The following EPB41L2 variants were observed in gnomAD, a reference collection of about 807,000 sequenced individuals.
The protein encoded by EPB41L2 is band 4.1-like protein 2.
In EPB41L2, 43 loss-of-function variants were observed where a neutral mutation model predicts 113.0. That is an observed-to-expected ratio of 0.38 (90% CI 0.30 to 0.49). EPB41L2 has a LOEUF of 0.49. Among genes scored for constraint, EPB41L2 ranks in the 20% least tolerant of loss-of-function variants. The pLI, the probability that EPB41L2 is intolerant of heterozygous loss-of-function variation, is 0.95. For missense variants in EPB41L2, 1,147 were observed against 1,223.4 expected (o/e 0.94, Z 0.93); for synonymous variants, 442 against 436.7 (o/e 1.01, Z -0.15).
rs538511184 is a variant in EPB41L2, at chr6:130,899,153, T to C, written c.1236+338A>G. Among the ~76,000 whole-genome samples, 14 of 151,786 alleles carry C rather than the reference T, an allele frequency of 9.2e-5. No individual in the cohort carries two copies. The South Asian group carries it at 2.9e-3, about 32-fold the overall frequency. ...CCAAGACAGAGGTGGGAGAGGGAAC[T>C]GGGACAGACACAGCACTTGGCCTAG... On this transcript the variant is annotated intron_variant, in intron 8 of 19. Coordinates refer to ENST00000337057, the MANE Select transcript of EPB41L2 (RefSeq NM_001431.4).
At chr6:130,877,510 T>A (rs1787947797) in intron 14 of EPB41L2, among the ~76,000 whole-genome samples, 1 of 152,086 alleles carries the variant, frequency 6.6e-6, no homozygotes, top group African/African-American at 2.4e-5. Context: ...AAGTAAACCA[T>A]GAAAAGAAAT....
chr6:130,971,165 G>T (rs1454729869), intron 1 of EPB41L2, among the ~76,000 whole-genome samples: 1 of 152,086 alleles, frequency 6.6e-6, no homozygotes, highest in Non-Finnish European at 1.5e-5. Flanking sequence ...CCAAAATGTT[G>T]GGATTACAGG....
At chr6:131,005,016 T>C (rs1007916222) in intron 1 of EPB41L2, among the ~76,000 whole-genome samples, 2 of 152,230 alleles carry the variant, frequency 1.3e-5, no homozygotes, top group African/African-American at 4.8e-5. Flanking sequence ...CCTAAATATG[T>C]TTGTCTGTTT....
chr6:130,970,403 G>C (rs1385616820), intron 1 of EPB41L2: 1 of 152,232 alleles, frequency 6.6e-6, no homozygotes, highest in Non-Finnish European at 1.5e-5. Flanking sequence ...ACCCAAGCCA[G>C]ACCCTGCTGG....
chr6:131,062,988 C>A (rs889081487), intron 1 of EPB41L2, among the ~76,000 whole-genome samples, 167 bp downstream of exon 1: 1 of 152,072 alleles, frequency 6.6e-6, no homozygotes, highest in African/African-American at 2.4e-5. Flanking sequence ...AGCCGGGCCC[C>A]CTCTCCCCGC....
In EPB41L2 at chr6:130,956,188, T is replaced by C. The variant is rs745651995; in HGVS notation, c.298A>G (p.Lys100Glu). 1 of 1,614,212 alleles carries C rather than the reference T, an allele frequency of 6.2e-7. No homozygotes were observed. The highest frequency in any genetic ancestry group is 8.5e-7 in the Non-Finnish European group (1 of 1,180,038). The change falls in exon 2 of 20, where the codon AAA becomes GAA. Residue 100 changes from lysine (K) to glutamate (E), a missense_variant. Physicochemically the swap from Lys to Glu is moderately conservative, Grantham distance 56 (BLOSUM62 1). Coordinates refer to ENST00000337057, the MANE Select transcript of EPB41L2 (RefSeq NM_001431.4). ...TCAACAACAGCTTGGGTAGGCTCTT[T>C]TTTATCTCCTCCATCTTTGGCCACT... ...LVVAKDGGDK[K>E]EPTQAVVEEQ... is the part of the protein sequence containing the mutation.
At chr6:130,957,705 T>A (rs1817923665) in intron 1 of EPB41L2, among the ~76,000 whole-genome samples, 1 of 152,198 alleles carries the variant, frequency 6.6e-6, no homozygotes, top group Non-Finnish European at 1.5e-5. Flanking sequence ...TACACTTGTT[T>A]TAAAGCTTTA....
At chr6:130,846,184 G>A (rs752182583) in intron 19 of EPB41L2, among the ~76,000 whole-genome samples, 2 of 152,162 alleles carry the variant, frequency 1.3e-5, no homozygotes, top group East Asian at 1.9e-4. Context: ...CAGTGGCAGC[G>A]AATGACCCTT....
At chr6:130,926,978 G>C (rs901712428) in intron 3 of EPB41L2, among the ~76,000 whole-genome samples, 1 of 152,108 alleles carries the variant, frequency 6.6e-6, no homozygotes, top group Non-Finnish European at 1.5e-5. Context: ...GGACGAAAAA[G>C]GCGAAATGTT....
intron 3 of EPB41L2, among the ~76,000 whole-genome samples, chr6:130,935,992 T>C (rs1230877761): frequency 6.6e-6 from 1 of 152,222 alleles, no homozygotes; most frequent in Non-Finnish European, 1.5e-5. Context: ...GAAAACCATA[T>C]TTGATGACAT....
chr6:130,913,324 G>A (rs748563529), intron 4 of EPB41L2, among the ~76,000 whole-genome samples: 31 of 152,114 alleles, frequency 2.0e-4, no homozygotes, highest in Non-Finnish European at 8.8e-5. Flanking sequence ...CTAAGTGGGC[G>A]GGGTTTACCT....
At chr6:131,025,128 A>G (rs920398597) in intron 1 of EPB41L2, among the ~76,000 whole-genome samples, 4 of 152,042 alleles carry the variant, frequency 2.6e-5, no homozygotes, top group African/African-American at 9.7e-5. Context: ...GTAGTTAAGA[A>G]TAGCAGCCAG....
intron 5 of EPB41L2, 67 bp downstream of exon 5, chr6:130,908,754 G>T: frequency 8.0e-7 from 1 of 1,256,634 alleles, no homozygotes; most frequent in Non-Finnish European, 1.1e-6. Context: ...TTCTATTACT[G>T]ATCATTTATA....
intron 11 of EPB41L2, among the ~76,000 whole-genome samples, chr6:130,886,636 GTTGTT>G (rs1343018743): frequency 8.4e-6 from 1 of 119,574 alleles, no homozygotes. Flanking sequence ...TGTTGTTGTT[GTTGTT>G]GTTTGTTTTT....
chr6:131,020,286 T>C (rs1789158454), intron 1 of EPB41L2, among the ~76,000 whole-genome samples: 1 of 152,336 alleles, frequency 6.6e-6, no homozygotes, highest in Admixed American at 6.5e-5. Context: ...CTCATATTTA[T>C]GTACATAAAT....
intron 3 of EPB41L2, among the ~76,000 whole-genome samples, chr6:130,952,446 A>ATGAATAGATT (rs1815511735): frequency 6.6e-6 from 1 of 151,958 alleles, no homozygotes; most frequent in South Asian, 2.1e-4. Flanking sequence ...AACAGTCTAA[A>ATGAATAGATT]TGAATAGATT....
At chr6:131,029,539 C>T (rs983605430) in intron 1 of EPB41L2, among the ~76,000 whole-genome samples, 2 of 151,988 alleles carry the variant, frequency 1.3e-5, no homozygotes, top group African/African-American at 2.4e-5. Flanking sequence ...TTTTTAAACA[C>T]GCAGAAAGGA....
rs567589462 is a variant in EPB41L2 at position 130,908,356 on chromosome 6, G to A, written c.853+465C>T. On this transcript the variant is annotated intron_variant, in intron 5 of 19. Transcript: ENST00000337057. Reference sequence around the variant, plus strand: ...GGCAGTGACCTCAGAGAACTGAAAAGATTGTTCCCCTTGCTTCTCCCCAAA... The same window carrying A: ...GGCAGTGACCTCAGAGAACTGAAAAAATTGTTCCCCTTGCTTCTCCCCAAA... Among the ~76,000 whole-genome samples, 15 of 152,228 alleles carry A rather than the reference G, an allele frequency of 9.9e-5. No individual in the cohort carries two copies. In the East Asian group the frequency reaches 2.7e-3, roughly 27 times the overall value.
At chr6:130,936,596 T>C (rs1808881547) in intron 3 of EPB41L2, among the ~76,000 whole-genome samples, 2 of 148,056 alleles carry the variant, frequency 1.4e-5, no homozygotes, top group African/African-American at 5.0e-5. Context: ...AGTGATAAAA[T>C]ACAAGAATAC....
Sources: gnomAD v4.1 joint callset for allele counts (sites outside exome capture counted in the v4.1 genomes callset) on GRCh38, gnomAD v4.1.1 for gene constraint, MANE v1.5 for transcripts, NCBI Gene and HGNC (gene_info 2026-07-23, HGNC 2026-07-21) for gene names.